The following DCAF10 variants were observed in gnomAD, a reference collection of about 807,000 sequenced individuals.
DCAF10 encodes DDB1- and CUL4-associated factor 10.
DCAF10 carries 19 observed loss-of-function variants against 51.9 expected under a neutral mutation model. That is an observed-to-expected ratio of 0.37 (90% CI 0.26 to 0.54). DCAF10 has a LOEUF of 0.54. DCAF10 is among the 20% of genes least tolerant of loss of function. The probability of loss-of-function intolerance (pLI) is 0.87; values close to 1 mark genes in which losing one functional copy is unlikely to be tolerated. For synonymous variants in DCAF10, 291 were observed against 297.1 expected (o/e 0.98, Z 0.21); for missense variants, 510 against 730.6 (o/e 0.70, Z 3.48).
In DCAF10 at chr9:37,800,817, G is replaced by A; in HGVS notation, c.-50G>A. On this transcript the variant is annotated 5_prime_UTR_variant, in exon 1 of 7. In the 5' UTR this introduces an upstream ATG that the reference lacks. Coordinates refer to ENST00000377724, the MANE Select transcript of DCAF10 (RefSeq NM_024345.5). ...GTGGCAGCTGAACAGGGGCACTGAG[G>A]TGTCGGCCGGCGGGGCAGTGGCCCG... 6.7e-7 allele frequency: 1 copy of A among 1,494,512 alleles called. No homozygotes were observed. The highest frequency in any genetic ancestry group is 1.3e-5 in the South Asian group (1 of 76,638). 92.6% of individuals were successfully genotyped at this position (1,494,512 alleles called of 1,614,324 possible).
intron 2 of DCAF10, among the ~76,000 whole-genome samples, chr9:37,835,864 T>A (rs1291633964): frequency 1.3e-5 from 2 of 152,268 alleles, no homozygotes; most frequent in Admixed American, 1.3e-4. Flanking sequence ...TATCACAGGT[T>A]TGGTGAAATC....
intron 3 of DCAF10, among the ~76,000 whole-genome samples, chr9:37,852,953 TATATATATATATAA>T (rs2118136889): frequency 1.6e-5 from 1 of 63,186 alleles, no homozygotes; most frequent in South Asian, 3.8e-4. Context: ...TATATATATA[TATATATATATATAA>T]ATTAGCTTGA....
intron 2 of DCAF10, chr9:37,836,005 C>T: frequency 1.0e-6 from 1 of 989,504 alleles, no homozygotes; most frequent in Non-Finnish European, 1.6e-6. Context: ...CTGCCAGAGG[C>T]GCCGGCACAC....
intron 3 of DCAF10, among the ~76,000 whole-genome samples, chr9:37,850,568 C>A (rs376690577): frequency 6.6e-6 from 1 of 151,726 alleles, no homozygotes; most frequent in East Asian, 1.9e-4. Flanking sequence ...CTAAAAAAGT[C>A]AAAAACTCAT....
intron 2 of DCAF10, among the ~76,000 whole-genome samples, chr9:37,824,676 A>G (rs996843950): frequency 6.6e-6 from 1 of 152,116 alleles, no homozygotes; most frequent in Admixed American, 6.5e-5. Context: ...CTTTGTTAAG[A>G]GTCAACAATT....
chr9:37,813,042 AAAG>A (rs1485718048), intron 1 of DCAF10, among the ~76,000 whole-genome samples: 1 of 152,194 alleles, frequency 6.6e-6, no homozygotes, highest in Non-Finnish European at 1.5e-5. Flanking sequence ...GTATTCGCTA[AAAG>A]AAGAGTAAAA....
At chr9:37,825,101 G>C (rs1235691251) in intron 2 of DCAF10, among the ~76,000 whole-genome samples, 2 of 152,138 alleles carry the variant, frequency 1.3e-5, no homozygotes, top group Non-Finnish European at 2.9e-5. Context: ...ACAGATGCTG[G>C]TGAGGTTACG....
chr9:37,837,425 C>T (rs1191931374), intron 2 of DCAF10, among the ~76,000 whole-genome samples: 3 of 148,304 alleles, frequency 2.0e-5, no homozygotes, highest in Non-Finnish European at 4.4e-5. Context: ...CGCCACTGCA[C>T]TCCAGCCTGG....
intron 3 of DCAF10, among the ~76,000 whole-genome samples, chr9:37,854,096 A>C (rs999397767): frequency 8.6e-5 from 13 of 151,340 alleles, no homozygotes; most frequent in Admixed American, 6.6e-4. Context: ...TTGAAGTTTC[A>C]ATTTTTTTTT....
chr9:37,833,783 G>A (rs1484161700), intron 2 of DCAF10, among the ~76,000 whole-genome samples: 1 of 152,176 alleles, frequency 6.6e-6, no homozygotes, highest in Non-Finnish European at 1.5e-5. Context: ...TATTAAGCTA[G>A]ACTGAGTTTT....
chr9:37,850,848 AT>A (rs1564048777), intron 3 of DCAF10, among the ~76,000 whole-genome samples: 2 of 42,366 alleles, frequency 4.7e-5, no homozygotes, highest in African/African-American at 1.9e-4. Flanking sequence ...ATATATATAT[AT>A]ATATATATAT....
chr9:37,819,918 T>C (rs1192370143), intron 2 of DCAF10, among the ~76,000 whole-genome samples: 1 of 152,226 alleles, frequency 6.6e-6, no homozygotes, highest in Admixed American at 6.5e-5. Context: ...ATTAAAATGA[T>C]GGTCATAGAG....
intron 2 of DCAF10, among the ~76,000 whole-genome samples, chr9:37,826,820 C>CTTTT (rs397893920): frequency 8.9e-5 from 11 of 123,810 alleles, no homozygotes; most frequent in East Asian, 2.2e-4. Context: ...ACCACAATAC[C>CTTTT]TTTTTTTTTT....
intron 1 of DCAF10, among the ~76,000 whole-genome samples, chr9:37,809,715 C>T (rs756043550): frequency 2.0e-5 from 3 of 152,006 alleles, no homozygotes; most frequent in Non-Finnish European, 4.4e-5. Flanking sequence ...CGCCTATAAT[C>T]CCGGCTACTC....
At chr9:37,832,867 TTTTG>T (rs778449660) in intron 2 of DCAF10, among the ~76,000 whole-genome samples, 3 of 151,630 alleles carry the variant, frequency 2.0e-5, no homozygotes, top group South Asian at 2.1e-4. Flanking sequence ...TTAGGTTTTG[TTTTG>T]TTTTTTATTT....
At chr9:37,821,925 C>T (rs902215285) in intron 2 of DCAF10, among the ~76,000 whole-genome samples, 2 of 151,446 alleles carry the variant, frequency 1.3e-5, no homozygotes, top group African/African-American at 4.8e-5. Context: ...AAAAAAACAA[C>T]AATCAATCCC....
rs1194597052 is a variant in DCAF10 at position 37,866,559 on chromosome 9, G to A, written c.*5051G>A. On this transcript the variant is annotated 3_prime_UTR_variant, in exon 7 of 7. Transcript: ENST00000377724. ...AACAGGCTCCCCACTTTCTTCTAATGTGCTGTTATGAGCTTTGGACATGAG... is the reference window on the plus strand; with the variant it reads ...AACAGGCTCCCCACTTTCTTCTAATATGCTGTTATGAGCTTTGGACATGAG... The A allele has an allele frequency of 1.3e-5, 2 of 152,202 alleles. No individual in the cohort carries two copies. The highest frequency in any genetic ancestry group is 6.6e-5 in the Admixed American group (1 of 15,264). 9.4% of individuals were successfully genotyped at this position (152,202 alleles called of 1,614,324 possible).
intron 1 of DCAF10, among the ~76,000 whole-genome samples, chr9:37,818,391 C>T (rs1262885821): frequency 3.3e-5 from 5 of 151,982 alleles, no homozygotes; most frequent in Admixed American, 6.6e-5. Flanking sequence ...ATCTTATGTA[C>T]GTTCATCTTA....
intron 1 of DCAF10, among the ~76,000 whole-genome samples, chr9:37,813,796 C>T (rs1381259260): frequency 6.6e-6 from 1 of 151,914 alleles, no homozygotes; most frequent in Non-Finnish European, 1.5e-5. Flanking sequence ...TTTTAAATAA[C>T]TTGTGAGTCA....
Sources: gnomAD v4.1 joint callset for allele counts (sites outside exome capture counted in the v4.1 genomes callset) on GRCh38, gnomAD v4.1.1 for gene constraint, MANE v1.5 for transcripts, NCBI Gene and HGNC (gene_info 2026-07-23, HGNC 2026-07-21) for gene names.